Variants in INPP4B observed in about 807,000 individuals in gnomAD.
The protein encoded by INPP4B is inositol polyphosphate 4-phosphatase type II.
INPP4B carries 55 observed loss-of-function variants against 122.5 expected under a neutral mutation model. The ratio of observed to expected loss-of-function variants is 0.45; its 90% confidence interval spans 0.36 to 0.56. The LOEUF (loss-of-function observed/expected upper bound fraction) is 0.56, where lower values mean the gene tolerates loss of function less well. Ranked by LOEUF, INPP4B falls within the 20% of genes least tolerant of loss-of-function variation. INPP4B has a pLI of 0.00. For missense variants in INPP4B, 1,000 were observed against 1,097.7 expected (o/e 0.91, Z 1.26); for synonymous variants, 403 against 388.7 (o/e 1.04, Z -0.43).
intron 2 of INPP4B, among the ~76,000 whole-genome samples, chr4:142,700,591 C>A (rs1286285210): frequency 2.0e-5 from 3 of 152,094 alleles, no homozygotes; most frequent in Non-Finnish European, 4.4e-5. Flanking sequence ...AAGAAAAGAG[C>A]AATCTTATTT....
At chr4:142,802,931 A>G (rs1194831011) in intron 1 of INPP4B, among the ~76,000 whole-genome samples, 1 of 152,012 alleles carries the variant, frequency 6.6e-6, no homozygotes, top group Non-Finnish European at 1.5e-5. Flanking sequence ...GCACTTTGGG[A>G]GGCCGAGGCA....
intron 18 of INPP4B, among the ~76,000 whole-genome samples, chr4:142,138,440 G>C (rs553399568): frequency 3.4e-4 from 51 of 150,526 alleles, no homozygotes; most frequent in Admixed American, 1.3e-3. Flanking sequence ...AATGCTAAAT[G>C]ATGAGTTAAT....
chr4:142,842,216 T>A (rs1435566475), intron 1 of INPP4B, among the ~76,000 whole-genome samples: 1 of 151,786 alleles, frequency 6.6e-6, no homozygotes, highest in East Asian at 1.9e-4. Context: ...GGACACCAAG[T>A]TGGCATGGCT....
At chr4:142,363,662 C>A (rs1786338575) in intron 7 of INPP4B, among the ~76,000 whole-genome samples, 1 of 151,994 alleles carries the variant, frequency 6.6e-6, no homozygotes, top group Non-Finnish European at 1.5e-5. Context: ...GTCCAGTGAT[C>A]CTTCTTTTAC....
Position 142,521,376 on chromosome 4 carries a change from G to T in INPP4B, c.-190-58650C>A, listed in dbSNP as rs904765351. ...AATGATGGAAAAGTTTTGCAGCAAA[G>T]AAAATTCTTGTGTTTTAACCAAGAA... On this transcript the variant is annotated intron_variant, in intron 2 of 25. Transcript: ENST00000262992. Among the ~76,000 whole-genome samples the T allele has an allele frequency of 2.0e-5, 3 of 151,922 alleles. No individual in the cohort carries two copies. The South Asian group carries it at 6.2e-4, about 31-fold the overall frequency.
At chr4:142,322,334 A>G (rs531751313) in intron 7 of INPP4B, among the ~76,000 whole-genome samples, 5 of 152,348 alleles carry the variant, frequency 3.3e-5, no homozygotes, top group African/African-American at 1.2e-4. Context: ...ATTCCTGGGA[A>G]GTACATTGAA....
chr4:142,755,389 G>A (rs921479994), intron 1 of INPP4B, among the ~76,000 whole-genome samples: 1 of 151,868 alleles, frequency 6.6e-6, no homozygotes. Flanking sequence ...TCACTATCCA[G>A]CTCATTGAAA....
intron 5 of INPP4B, among the ~76,000 whole-genome samples, chr4:142,417,740 AC>A (rs1237491146): frequency 6.6e-6 from 1 of 152,138 alleles, no homozygotes; most frequent in African/African-American, 2.4e-5. Context: ...TTGCAAAACG[AC>A]CCAGGAATGA....
chr4:142,357,435 G>T, intron 7 of INPP4B, among the ~76,000 whole-genome samples: 1 of 152,060 alleles, frequency 6.6e-6, no homozygotes, highest in Non-Finnish European at 1.5e-5. Context: ...GGTCACAGAA[G>T]TGTTGAGTGT....
At chr4:142,562,232 A>T (rs1730627757) in intron 2 of INPP4B, among the ~76,000 whole-genome samples, 1 of 152,204 alleles carries the variant, frequency 6.6e-6, no homozygotes, top group Non-Finnish European at 1.5e-5. Flanking sequence ...GTATTTTCTC[A>T]TGAAGCTTTG....
intron 7 of INPP4B, among the ~76,000 whole-genome samples, chr4:142,394,761 T>G (rs1798820445): frequency 6.6e-6 from 1 of 152,190 alleles, no homozygotes; most frequent in Non-Finnish European, 1.5e-5. Flanking sequence ...AATTCATGGG[T>G]TGTCTCTTCA....
intron 2 of INPP4B, among the ~76,000 whole-genome samples, chr4:142,497,715 T>C (rs1160435618): frequency 6.6e-6 from 1 of 152,170 alleles, no homozygotes; most frequent in Non-Finnish European, 1.5e-5. Flanking sequence ...CAACAATATT[T>C]CCCAGTAGTA....
intron 1 of INPP4B, among the ~76,000 whole-genome samples, chr4:142,831,249 G>C (rs1257523780): frequency 6.6e-6 from 1 of 152,134 alleles, no homozygotes; most frequent in Non-Finnish European, 1.5e-5. Context: ...CTGCCATGTA[G>C]ATAGTTATTC....
At chr4:142,629,146 C>T (rs1224041794) in intron 2 of INPP4B, among the ~76,000 whole-genome samples, 1 of 151,550 alleles carries the variant, frequency 6.6e-6, no homozygotes, top group Non-Finnish European at 1.5e-5. Flanking sequence ...TTCTCTCAGC[C>T]CAAGTCTGCT....
intron 18 of INPP4B, among the ~76,000 whole-genome samples, chr4:142,139,859 A>G (rs772560778): frequency 1.6e-4 from 24 of 152,134 alleles, no homozygotes; most frequent in Non-Finnish European, 2.9e-4. Context: ...TACTTTTTGT[A>G]TACAGATGGG....
chr4:142,204,670 G>A (rs899224155), intron 14 of INPP4B, among the ~76,000 whole-genome samples: 1 of 151,978 alleles, frequency 6.6e-6, no homozygotes, highest in African/African-American at 2.4e-5. Flanking sequence ...TCCTTAAAGG[G>A]GATATTTGGA....
At chr4:142,054,806 A>G (rs1392621238) in intron 25 of INPP4B, among the ~76,000 whole-genome samples, 1 of 152,156 alleles carries the variant, frequency 6.6e-6, no homozygotes, top group East Asian at 1.9e-4. Context: ...TGGAGATAAC[A>G]ATACACATAA....
At chr4:142,824,314 A>ATCTATCTATC in intron 1 of INPP4B, among the ~76,000 whole-genome samples, 1 of 150,734 alleles carries the variant, frequency 6.6e-6, no homozygotes, top group African/African-American at 2.5e-5. Context: ...CTGTCTATCT[A>ATCTATCTATC]TCTATCTCTA....
rs140748875 is a variant in INPP4B at position 142,371,962 on chromosome 4, T to C, written c.372+30976A>G. 5.3e-3 allele frequency among the ~76,000 whole-genome samples: 807 copies of C among 151,772 alleles called. 5 individuals are homozygous for C. Among genetic ancestry groups the C allele is most frequent in the African/African-American group, 0.019 (767 of 41,414 alleles). On this transcript the variant is annotated intron_variant, in intron 7 of 25. Transcript: ENST00000262992. ...TTATCAAAACGAAAGAAAATCAGTA[T>C]ATCAAAGGGATACCTGCATCCACGT...
Sources: gnomAD v4.1 joint callset for allele counts (sites outside exome capture counted in the v4.1 genomes callset) on GRCh38, gnomAD v4.1.1 for gene constraint, MANE v1.5 for transcripts, NCBI Gene and HGNC (gene_info 2026-07-23, HGNC 2026-07-21) for gene names.